GNL2: variants seen among roughly 807,000 people sequenced by gnomAD.
The protein encoded by GNL2 is nucleolar GTP-binding protein 2.
Under a neutral mutation model 92.3 loss-of-function variants are expected in GNL2, and 51 were observed. The observed-to-expected ratio is 0.55, with a 90% confidence interval of 0.44 to 0.70. The LOEUF (loss-of-function observed/expected upper bound fraction) is 0.70. Among genes scored for constraint, GNL2 ranks in the 30% least tolerant of loss-of-function variants. GNL2 has a pLI of 0.00. For synonymous variants in GNL2, 283 were observed against 300.6 expected (o/e 0.94, Z 0.61); for missense variants, 844 against 895.6 (o/e 0.94, Z 0.74).
chr1:37,589,081 G>A (rs112651807), intron 4 of GNL2, among the ~76,000 whole-genome samples: 136 of 152,312 alleles, frequency 8.9e-4, no homozygotes, highest in African/African-American at 3.1e-3. Flanking sequence ...CTTAAAAGAT[G>A]GCTTTAGGGA....
At chr1:37,568,658 T>C (rs1643545242) in intron 13 of GNL2, among the ~76,000 whole-genome samples, 193 bp downstream of exon 13, 1 of 152,176 alleles carries the variant, frequency 6.6e-6, no homozygotes, top group South Asian at 2.1e-4. Context: ...GATGACAGCA[T>C]TGCTTGAACC....
intron 5 of GNL2, among the ~76,000 whole-genome samples, chr1:37,585,241 T>C (rs931783868): frequency 6.6e-6 from 1 of 151,770 alleles, no homozygotes; most frequent in Non-Finnish European, 1.5e-5. Context: ...GTATTTTTAG[T>C]AGGGACTGGG....
At chr1:37,568,065 G>A in intron 14 of GNL2, 1 of 593,300 alleles carries the variant, frequency 1.7e-6, no homozygotes, top group Non-Finnish European at 3.0e-6. Flanking sequence ...TTTCTAGGAA[G>A]TTTCCTGAAT....
rs1483858198 is a variant in GNL2 at position 37,575,419 on chromosome 1, T to C, written c.1143+176A>G. On this transcript the variant is annotated intron_variant, in intron 10 of 15. Coordinates refer to ENST00000373062, the MANE Select transcript of GNL2 (RefSeq NM_013285.3). This position sits in a 1 kb window ranked among gnomAD's most constrained non-coding sequence, Gnocchi z 4.1. ...TGACCAGATATGCCCATGGTTCCAC[T>C]AATTCCTCAAACAGCTTATGCTGAG... Among the ~76,000 whole-genome samples, 2 of 152,224 alleles carry C rather than the reference T, an allele frequency of 1.3e-5. No individual in the cohort carries two copies. Among genetic ancestry groups the C allele is most frequent in the Non-Finnish European group, 1.5e-5 (1 of 68,042 alleles).
rs575736947 is a variant in GNL2 at position 37,573,711 on chromosome 1, G to A, written c.1416+632C>T. ...TACCAGAAGATCACTTACATTTAAT[G>A]AGCCCTCTTTTTCCAAGGCCCTAAA... is the stretch of plus-strand genomic sequence containing the variant. On this transcript the variant is annotated intron_variant, in intron 12 of 15. Transcript: ENST00000373062. 2.0e-5 allele frequency among the ~76,000 whole-genome samples: 3 copies of A among 152,304 alleles called. No individual in the cohort carries two copies. The South Asian group carries it at 6.2e-4, about 32-fold the overall frequency.
At chr1:37,587,894 T>C (rs1000636444) in intron 4 of GNL2, among the ~76,000 whole-genome samples, 1 of 152,204 alleles carries the variant, frequency 6.6e-6, no homozygotes, top group Non-Finnish European at 1.5e-5. Context: ...GAGCATAAAA[T>C]TCGCCAAATT....
At chr1:37,574,217 A>C (rs1444216752) in intron 12 of GNL2, 126 bp downstream of exon 12, 1 of 480,996 alleles carries the variant, frequency 2.1e-6, no homozygotes. Context: ...TATATTTAAA[A>C]AAATAATAAA....
intron 8 of GNL2, among the ~76,000 whole-genome samples, chr1:37,578,017 G>C (rs1643705278): frequency 6.6e-6 from 1 of 152,178 alleles, no homozygotes; most frequent in African/African-American, 2.4e-5. Flanking sequence ...TGAGTTCCCA[G>C]AACTCTAGCA....
chr1:37,591,717 G>A (rs1643888936), intron 3 of GNL2, among the ~76,000 whole-genome samples: 1 of 152,072 alleles, frequency 6.6e-6, no homozygotes, highest in Non-Finnish European at 1.5e-5. Context: ...GTGTTGGCCA[G>A]GCTGGTCTCG....
intron 8 of GNL2, among the ~76,000 whole-genome samples, chr1:37,577,689 T>C (rs1270409269): frequency 1.3e-5 from 2 of 152,152 alleles, no homozygotes; most frequent in Admixed American, 1.3e-4. Context: ...AGAGATTCAT[T>C]GGGAATCACT....
chr1:37,581,665 A>G (rs1162809955), intron 8 of GNL2: 1 of 368,546 alleles, frequency 2.7e-6, no homozygotes, highest in Non-Finnish European at 5.4e-6. Context: ...GGAAGTTTTT[A>G]CATCTTCTTC....
chr1:37,588,509 G>A (rs1643869847), intron 4 of GNL2, among the ~76,000 whole-genome samples: 1 of 152,142 alleles, frequency 6.6e-6, no homozygotes, highest in Non-Finnish European at 1.5e-5. Context: ...AACAGAAGCA[G>A]CTCATTTTAC....
chr1:37,568,422 A>C, intron 13 of GNL2, 65 bp from the exon 14 acceptor site: 1 of 1,016,394 alleles, frequency 9.8e-7, no homozygotes. Flanking sequence ...TGACCTGGAG[A>C]CCTGCGACAA....
At chr1:37,579,321 G>A (rs1391767440) in intron 8 of GNL2, among the ~76,000 whole-genome samples, 1 of 152,174 alleles carries the variant, frequency 6.6e-6, no homozygotes, top group East Asian at 1.9e-4. Flanking sequence ...GCCGAGGGGG[G>A]CGGATCACCT....
chr1:37,589,895 C>T (rs1643878093), intron 4 of GNL2, among the ~76,000 whole-genome samples: 1 of 152,156 alleles, frequency 6.6e-6, no homozygotes, highest in Admixed American at 6.5e-5. Context: ...GTACGCAACA[C>T]CAAAGTTCTA....
intron 12 of GNL2, 167 bp from the exon 13 acceptor site, chr1:37,569,469 A>C (rs914457187): frequency 2.5e-5 from 15 of 597,932 alleles, no homozygotes; most frequent in Non-Finnish European, 4.4e-5. Flanking sequence ...ACCAATGTAC[A>C]TTAAGCCCAG....
intron 8 of GNL2, chr1:37,581,580 TG>T (rs1380041912): frequency 1.3e-5 from 6 of 455,054 alleles, no homozygotes; most frequent in Non-Finnish European, 2.6e-5. Flanking sequence ...TGGTCACGGA[TG>T]GGGGCAAAGG....
At chr1:37,571,696 G>A (rs1643596443) in intron 12 of GNL2, among the ~76,000 whole-genome samples, 1 of 152,228 alleles carries the variant, frequency 6.6e-6, no homozygotes, top group African/African-American at 2.4e-5. Flanking sequence ...ACCTGGTGGT[G>A]TCTCAGCATA....
chr1:37,581,574 C>T, intron 8 of GNL2: 1 of 455,402 alleles, frequency 2.2e-6, no homozygotes, highest in Non-Finnish European at 4.4e-6. Flanking sequence ...CAACACTGGT[C>T]ACGGATGGGG....
Sources: gnomAD v4.1 joint callset for allele counts (sites outside exome capture counted in the v4.1 genomes callset) on GRCh38, gnomAD v4.1.1 for gene constraint, Gnocchi (gnomAD v3.1) non-coding constraint, MANE v1.5 for transcripts, NCBI Gene and HGNC (gene_info 2026-07-23, HGNC 2026-07-21) for gene names.